PPT2: variants seen among roughly 807,000 people sequenced by gnomAD.
The protein encoded by PPT2 is palmitoyl-protein thioesterase 2.
A neutral mutation model predicts 37.3 loss-of-function variants in PPT2; 20 were observed. The ratio of observed to expected loss-of-function variants is 0.54; its 90% CI spans 0.38 to 0.78. The LOEUF (loss-of-function observed/expected upper bound fraction) is 0.78. Ranked by LOEUF, PPT2 falls within the 30% of genes least tolerant of loss-of-function variation. The pLI, the probability that PPT2 is intolerant of heterozygous loss-of-function variation, is 0.00. For missense variants in PPT2, 270 were observed against 389.8 expected (o/e 0.69, Z 2.59); for synonymous variants, 135 against 159.1 (o/e 0.85, Z 1.14).
Position 32,163,269 on chromosome 6 carries a change from G to C in PPT2, c.*319G>C. The C allele has an allele frequency of 2.8e-6, 1 of 357,712 alleles. No individual in the cohort carries two copies. The highest frequency in any genetic ancestry group is 5.7e-5 in the South Asian group (1 of 17,680). The allele number at this position is 357,712 out of a possible 1,614,324, so 22.2% of individuals were successfully genotyped here. On this transcript the variant is annotated 3_prime_UTR_variant, in exon 9 of 9. Coordinates refer to ENST00000324816, the MANE Select transcript of PPT2 (RefSeq NM_005155.7). ...TTAACTTGTGGCTGCTTTTGCTGCT[G>C]CTGCTCCTCCGTATCTGGCTGTATG... is the stretch of plus-strand genomic sequence containing the variant.
intron 7 of PPT2, among the ~76,000 whole-genome samples, chr6:32,161,470 G>T (rs909839611): frequency 6.6e-6 from 1 of 151,840 alleles, no homozygotes; most frequent in Non-Finnish European, 1.5e-5. Context: ...TGTATTTTTA[G>T]TAGAGACGGG....
Position 32,157,863 on chromosome 6 carries a change from G to T in PPT2, c.649G>T (p.Val217Leu), listed in dbSNP as rs968548331. Residue 217 changes from valine to leucine, a missense_variant, in exon 7 of 9, where the codon GTG becomes TTG. By Grantham distance (32) the Val-to-Leu change is conservative. Transcript: ENST00000324816. ...AGTATGGCGGAAGAACTTTCTGCGT[G>T]TGGGCCACCTGGTGCTGATTGGGGG... ...ATVWRKNFLR[V>L]GHLVLIGGPD... 3.1e-6 allele frequency: 5 copies of T among 1,612,778 alleles called. No individual in the cohort carries two copies. In the African/African-American group the frequency reaches 5.3e-5, roughly 17 times the overall value.
At chr6:32,160,202 G>T (rs1365215219) in intron 7 of PPT2, among the ~76,000 whole-genome samples, 2 of 145,914 alleles carry the variant, frequency 1.4e-5, no homozygotes, top group Non-Finnish European at 1.5e-5. Context: ...CCGCCACCAC[G>T]CCCGGCTAAT....
At chr6:32,153,677 GT>G, upstream of PPT2, 1 of 1,571,156 alleles carries the variant, frequency 6.4e-7, no homozygotes, top group Non-Finnish European at 8.7e-7. The surrounding 1 kb of genome is among the most constrained non-coding windows in gnomAD (Gnocchi z 4.4). Context: ...GTGGGGTGGG[GT>G]GGGTGTTGAG....
Position 32,154,156 on chromosome 6 carries a change from T to C in PPT2, c.-257T>C. The C allele has an allele frequency of 9.2e-7, 1 of 1,090,700 alleles. No homozygotes were observed. Among genetic ancestry groups the C allele is most frequent in the South Asian group, 3.5e-5 (1 of 28,328 alleles). The allele number at this position is 1,090,700 out of a possible 1,614,324, so 67.6% of individuals were successfully genotyped here. A position where few individuals can be genotyped will look rare whatever the true frequency, so the allele number is the denominator to read the frequency against. The stretch of plus-strand genomic sequence containing the variant: ...CCTCCCATCCGTCATTCCCCTGCGC[T>C]CTCTTTCCTCACCCTTCCCCCCGCC... On this transcript the variant is annotated 5_prime_UTR_variant, in exon 1 of 9. Transcript: ENST00000324816. This position sits in a 1 kb window ranked among gnomAD's most constrained non-coding sequence, Gnocchi z 7.3.
chr6:32,153,732 C>T (rs920373322), upstream of PPT2: 29 of 1,443,794 alleles, frequency 2.0e-5, no homozygotes, highest in Non-Finnish European at 2.7e-5. This position sits in a 1 kb window ranked among gnomAD's most constrained non-coding sequence, Gnocchi z 4.4. Context: ...CACCCTGCCA[C>T]TCACCCAGCA....
intron 5 of PPT2, chr6:32,157,428 G>C (rs1783870732): frequency 1.7e-6 from 1 of 596,842 alleles, no homozygotes; most frequent in Non-Finnish European, 3.0e-6. Context: ...AGCCAGGCTG[G>C]TCTCAAACTC....
In PPT2 at chr6:32,163,240, G is replaced by A. The variant is rs1784284850; in HGVS notation, c.*290G>A. 2.4e-6 allele frequency: 1 copy of A among 419,338 alleles called. No individual in the cohort carries two copies. Among genetic ancestry groups the A allele is most frequent in the Non-Finnish European group, 4.2e-6 (1 of 237,408 alleles). The allele number at this position is 419,338 out of a possible 1,614,324, so 26.0% of individuals were successfully genotyped here. ...CCGAAGTTGGGAAGTGAGAAACCAT[G>A]TTTTTAACTTGTGGCTGCTTTTGCT... On this transcript the variant is annotated 3_prime_UTR_variant, in exon 9 of 9. Coordinates refer to ENST00000324816, the MANE Select transcript of PPT2 (RefSeq NM_005155.7).
rs1389828571 is a variant in PPT2 at position 32,163,179 on chromosome 6, T to C, written c.*229T>C. On this transcript the variant is annotated 3_prime_UTR_variant, in exon 9 of 9. Coordinates refer to ENST00000324816, the MANE Select transcript of PPT2 (RefSeq NM_005155.7). ...CTCCCCTACCTCATGTCCTCTCATT[T>C]GGGGGATTGCTCCGTGCTGTCCCTT... 1 of 574,594 alleles carries C rather than the reference T, an allele frequency of 1.7e-6. No individual in the cohort carries two copies. Among genetic ancestry groups the C allele is most frequent in the African/African-American group, 1.9e-5 (1 of 53,562 alleles). The allele number at this position is 574,594 out of a possible 1,614,324, so 35.6% of individuals were successfully genotyped here.
At position 32,154,987 on chromosome 6, in the gene PPT2, T is replaced by C. The variant is rs917581191; in HGVS notation, c.184-43T>C. On this transcript the variant is annotated intron_variant, in intron 2 of 8. Coordinates refer to ENST00000324816, the MANE Select transcript of PPT2 (RefSeq NM_005155.7). The surrounding 1 kb of genome is among the most constrained non-coding windows in gnomAD (Gnocchi z 7.3). ...GGGCCAGGGGGTGGCGTGTGGGAGC[T>C]TCTTAGCCTATCCCCGGTGGCTGCA... 1.9e-6 allele frequency: 3 copies of C among 1,610,646 alleles called. No individual in the cohort carries two copies. The highest frequency in any genetic ancestry group is 8.5e-7 in the Non-Finnish European group (1 of 1,179,382).
intron 7 of PPT2, chr6:32,158,301 A>C: frequency 5.1e-6 from 1 of 194,486 alleles, no homozygotes; most frequent in Non-Finnish European, 1.1e-5. Context: ...GGAAATTCAC[A>C]TTGGTTCAAT....
chr6:32,155,582 CTCTGTGTG>C lies in PPT2; in HGVS notation c.338-104_338-97del. On this transcript the variant is annotated intron_variant, in intron 3 of 8. Transcript: ENST00000324816. This position sits in a 1 kb window ranked among gnomAD's most constrained non-coding sequence, Gnocchi z 4.3. ...GTGTACAGTGTGTGTCTGTGTGTGT[CTCTGTGTG>C]TGTGTGTGTGTGTGTGTGTGTGTGT... is the stretch of plus-strand genomic sequence containing the variant. The C allele has an allele frequency of 1.5e-6, 1 of 652,944 alleles. No individual in the cohort carries two copies. Among genetic ancestry groups the C allele is most frequent in the Non-Finnish European group, 2.5e-6 (1 of 401,764 alleles). The allele number at this position is 652,944 out of a possible 1,614,324, so 40.4% of individuals were successfully genotyped here.
At position 32,154,787 on chromosome 6, in the gene PPT2, G is replaced by A. The variant is rs1321247107; in HGVS notation, c.183+10G>A. On this transcript the variant is annotated intron_variant, in intron 2 of 8. Coordinates refer to ENST00000324816, the MANE Select transcript of PPT2 (RefSeq NM_005155.7). The surrounding 1 kb of genome is among the most constrained non-coding windows in gnomAD (Gnocchi z 7.3). Reference sequence around the variant, plus strand: ...GGAATACATCAATGAGGTCTGGCAGGGGACACCTGGGTGCAGGGCGTTAGA... The same window carrying A: ...GGAATACATCAATGAGGTCTGGCAGAGGACACCTGGGTGCAGGGCGTTAGA... 2 of 1,609,024 alleles carry A rather than the reference G, an allele frequency of 1.2e-6. No individual in the cohort carries two copies. Among genetic ancestry groups the A allele is most frequent in the Non-Finnish European group, 1.7e-6 (2 of 1,176,838 alleles).
At position 32,155,632 on chromosome 6, in the gene PPT2, G is replaced by A; in HGVS notation, c.338-56G>A. ...TGTGTGTGTGTGGTGGGGGTGGGGG[G>A]TGCTGCTGGCTTTGCTGTCCTTAAG... On this transcript the variant is annotated intron_variant, in intron 3 of 8. Coordinates refer to ENST00000324816, the MANE Select transcript of PPT2 (RefSeq NM_005155.7). This position sits in a 1 kb window ranked among gnomAD's most constrained non-coding sequence, Gnocchi z 4.3. 2.3e-6 allele frequency: 3 copies of A among 1,286,746 alleles called. No individual in the cohort carries two copies. The highest frequency in any genetic ancestry group is 2.4e-5 in the South Asian group (2 of 84,374). 79.7% of individuals were successfully genotyped at this position (1,286,746 alleles called of 1,614,324 possible).
chr6:32,161,809 C>T lies in PPT2; in HGVS notation c.711-759C>T, dbSNP rs192911877. On this transcript the variant is annotated intron_variant, in intron 7 of 8. Transcript: ENST00000324816. ...GTGTTGGCCAGGCTGGTCTCGAATTCCTGACCTCAGATGATCCACCCTCCT... is the reference window on the plus strand; with the variant it reads ...GTGTTGGCCAGGCTGGTCTCGAATTTCTGACCTCAGATGATCCACCCTCCT... Among the ~76,000 whole-genome samples, 83 of 152,198 alleles carry T rather than the reference C, an allele frequency of 5.5e-4. 3 individuals carry two copies. The East Asian group carries it at 0.016, about 29-fold the overall frequency.
Position 32,156,056 on chromosome 6 carries a change from T to C in PPT2, c.541+78T>C. The C allele has an allele frequency of 2.7e-6, 3 of 1,107,510 alleles. No individual in the cohort carries two copies. Among genetic ancestry groups the C allele is most frequent in the Non-Finnish European group, 4.1e-6 (3 of 729,338 alleles). The allele number at this position is 1,107,510 out of a possible 1,614,324, so 68.6% of individuals were successfully genotyped here. Reference sequence around the variant, plus strand: ...CCTCTGCTACAACCAATAGCAGTGATGACAATAAAGATAACTTACATTTAT... The same window carrying C: ...CCTCTGCTACAACCAATAGCAGTGACGACAATAAAGATAACTTACATTTAT... On this transcript the variant is annotated intron_variant, in intron 5 of 8. Transcript: ENST00000324816. The surrounding 1 kb of genome is among the most constrained non-coding windows in gnomAD (Gnocchi z 4.9).
chr6:32,157,314 G>A, intron 5 of PPT2: 1 of 416,772 alleles, frequency 2.4e-6, no homozygotes. Context: ...TCCACCTCCT[G>A]GGTTCAAGTG....
chr6:32,154,972 G>A lies in PPT2; in HGVS notation c.184-58G>A. The A allele has an allele frequency of 6.2e-7, 1 of 1,606,566 alleles. No individual in the cohort carries two copies. Among genetic ancestry groups the A allele is most frequent in the Non-Finnish European group, 8.5e-7 (1 of 1,176,106 alleles). ...TAGACCTGTGGACGCGGGCCAGGGG[G>A]TGGCGTGTGGGAGCTTCTTAGCCTA... On this transcript the variant is annotated intron_variant, in intron 2 of 8. Transcript: ENST00000324816. This position sits in a 1 kb window ranked among gnomAD's most constrained non-coding sequence, Gnocchi z 7.3.
At position 32,156,585 on chromosome 6, in the gene PPT2, G is replaced by A. The variant is rs1783821110; in HGVS notation, c.541+607G>A. ...GTGAAAGCAGCCATGTACCATATGT[G>A]AATGAATGTGCCTGTGTTCCAGTAA... On this transcript the variant is annotated intron_variant, in intron 5 of 8. Coordinates refer to ENST00000324816, the MANE Select transcript of PPT2 (RefSeq NM_005155.7). The surrounding 1 kb of genome is among the most constrained non-coding windows in gnomAD (Gnocchi z 4.9). 6.6e-6 allele frequency among the ~76,000 whole-genome samples: 1 copy of A among 152,188 alleles called. No homozygotes were observed. The highest frequency in any genetic ancestry group is 2.1e-4 in the South Asian group (1 of 4,830).
Sources: allele counts gnomAD v4.1 joint callset (sites outside exome capture counted in the v4.1 genomes callset), GRCh38; gene constraint gnomAD v4.1.1; non-coding constraint Gnocchi (gnomAD v3.1); transcripts MANE v1.5; gene names NCBI Gene and HGNC (gene_info 2026-07-23, HGNC 2026-07-21).